The following TCF12 variants were observed in gnomAD, a reference collection of about 807,000 sequenced individuals.
The protein encoded by TCF12 is DNA-binding protein HTF4.
TCF12 carries 45 observed loss-of-function variants against 86.0 expected under a neutral mutation model. That is an observed-to-expected ratio of 0.52 (90% CI 0.41 to 0.67). The LOEUF (loss-of-function observed/expected upper bound fraction) is 0.67, where lower values mean the gene tolerates loss of function less well. TCF12 is among the 30% of genes least tolerant of loss of function. The pLI is 0.00. For missense variants in TCF12, 881 were observed against 859.9 expected (o/e 1.02, Z -0.31); for synonymous variants, 330 against 299.6 (o/e 1.10, Z -1.05).
intron 5 of TCF12, among the ~76,000 whole-genome samples, chr15:57,107,730 TAATA>T (rs1284431656): frequency 1.3e-5 from 2 of 151,302 alleles, no homozygotes; most frequent in African/African-American, 4.9e-5. Context: ...ACAAAATAAT[TAATA>T]ATAATAATAA....
At chr15:56,963,358 G>C (rs1450969402) in intron 3 of TCF12, among the ~76,000 whole-genome samples, 1 of 152,138 alleles carries the variant, frequency 6.6e-6, no homozygotes, top group Non-Finnish European at 1.5e-5. Flanking sequence ...TTTATTAGCA[G>C]ATACGTTCTT....
At chr15:57,255,419 A>G (rs2060302127) in intron 16 of TCF12, among the ~76,000 whole-genome samples, 1 of 152,184 alleles carries the variant, frequency 6.6e-6, no homozygotes, top group Non-Finnish European at 1.5e-5. Context: ...TGCTGAAGGA[A>G]TGCACTGCCC....
At chr15:57,003,763 C>T (rs1477815062) in intron 3 of TCF12, among the ~76,000 whole-genome samples, 3 of 152,088 alleles carry the variant, frequency 2.0e-5, no homozygotes, top group South Asian at 2.1e-4. Flanking sequence ...ATATTGAATC[C>T]GTGAATAATG....
chr15:57,105,283 G>A (rs1465500881), intron 5 of TCF12, among the ~76,000 whole-genome samples: 3 of 152,078 alleles, frequency 2.0e-5, no homozygotes, highest in African/African-American at 4.8e-5. Flanking sequence ...GCCTTGTATC[G>A]CCATCTCTTA....
At chr15:57,080,041 A>T (rs558150336) in intron 4 of TCF12, among the ~76,000 whole-genome samples, 1 of 152,334 alleles carries the variant, frequency 6.6e-6, no homozygotes, top group South Asian at 2.1e-4. Context: ...CAAATTGAAA[A>T]ATTACAGAAG....
chr15:56,921,121 A>G, intron 3 of TCF12, 23 bp downstream of exon 3: 1 of 1,572,786 alleles, frequency 6.4e-7, no homozygotes, highest in Non-Finnish European at 8.6e-7. Flanking sequence ...CTTAAACTAA[A>G]GACTCATATT....
chr15:57,161,826 T>C (rs1182277575), intron 5 of TCF12, among the ~76,000 whole-genome samples: 1 of 152,232 alleles, frequency 6.6e-6, no homozygotes, highest in African/African-American at 2.4e-5. Context: ...TCTTAAGCTA[T>C]TATTTATGCT....
intron 3 of TCF12, among the ~76,000 whole-genome samples, chr15:57,020,072 A>G (rs1436257623): frequency 6.6e-6 from 1 of 152,168 alleles, no homozygotes; most frequent in African/African-American, 2.4e-5. Flanking sequence ...CTTCTCTCTC[A>G]CTGTCATAAT....
At chr15:57,075,983 C>G (rs1475193133) in intron 4 of TCF12, among the ~76,000 whole-genome samples, 3 of 151,146 alleles carry the variant, frequency 2.0e-5, no homozygotes, top group African/African-American at 7.3e-5. Context: ...CTGCCCCTGT[C>G]TCCCAAGTAG....
At chr15:57,241,749 T>C (rs1424216105) in intron 12 of TCF12, among the ~76,000 whole-genome samples, 1 of 152,122 alleles carries the variant, frequency 6.6e-6, no homozygotes, top group Non-Finnish European at 1.5e-5. Flanking sequence ...TCCCAGCACT[T>C]TGGGAGGCCA....
At chr15:57,024,811 G>A (rs542893476) in intron 3 of TCF12, among the ~76,000 whole-genome samples, 1 of 152,138 alleles carries the variant, frequency 6.6e-6, no homozygotes, top group Non-Finnish European at 1.5e-5. Flanking sequence ...ATGCACATTC[G>A]TCAACAAGCT....
chr15:57,280,910 A>G (rs184041888), intron 19 of TCF12, among the ~76,000 whole-genome samples: 1 of 152,350 alleles, frequency 6.6e-6, no homozygotes, highest in Admixed American at 6.5e-5. Flanking sequence ...AATATGTGGA[A>G]CAACTGTTAA....
intron 3 of TCF12, among the ~76,000 whole-genome samples, chr15:57,057,236 C>A (rs2068099398): frequency 6.6e-6 from 1 of 152,188 alleles, no homozygotes; most frequent in African/African-American, 2.4e-5. Flanking sequence ...AATTTGGGAC[C>A]TCTCTTTTCT....
intron 8 of TCF12, among the ~76,000 whole-genome samples, chr15:57,227,037 A>G (rs1329619681): frequency 2.6e-5 from 4 of 152,118 alleles, no homozygotes; most frequent in African/African-American, 7.2e-5. Context: ...ATTAGGATAT[A>G]TAGCTATTGT....
intron 5 of TCF12, among the ~76,000 whole-genome samples, chr15:57,133,528 G>C (rs1052409720): frequency 6.6e-6 from 1 of 152,110 alleles, no homozygotes; most frequent in Non-Finnish European, 1.5e-5. Flanking sequence ...ACTGTGAAAT[G>C]GTGTGTTGCT....
intron 5 of TCF12, among the ~76,000 whole-genome samples, chr15:57,146,930 G>A (rs1422140624): frequency 3.3e-5 from 5 of 152,206 alleles, no homozygotes. Flanking sequence ...TAGTGCCTCT[G>A]TTAGGCAGAA....
intron 5 of TCF12, among the ~76,000 whole-genome samples, chr15:57,158,377 G>C (rs2054271950): frequency 6.6e-6 from 1 of 151,542 alleles, no homozygotes; most frequent in Admixed American, 6.6e-5. Context: ...TTGGGTTTTT[G>C]CCATGTTGCC....
upstream of TCF12, chr15:56,918,499 T>G (rs2059601741): frequency 3.1e-6 from 1 of 317,474 alleles, no homozygotes; most frequent in Non-Finnish European, 6.2e-6. Flanking sequence ...CCGCGGGCTT[T>G]GTCCACCCGC....
intron 6 of TCF12, among the ~76,000 whole-genome samples, chr15:57,174,482 TC>T (rs1217697862): frequency 6.6e-6 from 1 of 152,204 alleles, no homozygotes; most frequent in Non-Finnish European, 1.5e-5. Context: ...ACTAAATGCT[TC>T]CCACCTAATG....
Sources: gnomAD v4.1 joint callset for allele counts (sites outside exome capture counted in the v4.1 genomes callset) on GRCh38, gnomAD v4.1.1 for gene constraint, MANE v1.5 for transcripts, NCBI Gene and HGNC (gene_info 2026-07-23, HGNC 2026-07-21) for gene names.